The following ASTN2 variants were observed in gnomAD, a reference collection of about 807,000 sequenced individuals.
ASTN2 encodes astrotactin-2.
Under a neutral mutation model 139.8 loss-of-function variants are expected in ASTN2, and 54 were observed. The ratio of observed to expected loss-of-function variants is 0.39; its 90% CI spans 0.31 to 0.48. ASTN2 has a LOEUF of 0.48. Ranked by LOEUF, ASTN2 falls within the 20% of genes least tolerant of loss-of-function variation. The pLI is 0.95. For synonymous variants in ASTN2, 756 were observed against 719.5 expected (o/e 1.05, Z -0.81); for missense variants, 1,565 against 1,725.1 (o/e 0.91, Z 1.64).
At chr9:116,442,955 A>G (rs1380346891) in intron 20 of ASTN2, among the ~76,000 whole-genome samples, 1 of 152,204 alleles carries the variant, frequency 6.6e-6, no homozygotes, top group Non-Finnish European at 1.5e-5. Flanking sequence ...ATATTTATTG[A>G]GCATTTACTG....
chr9:116,644,342 C>T (rs1857486891), intron 17 of ASTN2, among the ~76,000 whole-genome samples: 1 of 152,112 alleles, frequency 6.6e-6, no homozygotes, highest in South Asian at 2.1e-4. Flanking sequence ...ACAGAAAATG[C>T]TCACAGGATT....
chr9:117,374,855 C>T (rs1331318444), intron 1 of ASTN2, among the ~76,000 whole-genome samples: 1 of 152,100 alleles, frequency 6.6e-6, no homozygotes, highest in South Asian at 2.1e-4. Context: ...CCAGGTTGAC[C>T]AGAAGCCTGA....
intron 19 of ASTN2, among the ~76,000 whole-genome samples, chr9:116,594,261 T>C (rs945626470): frequency 6.6e-6 from 1 of 152,200 alleles, no homozygotes; most frequent in African/African-American, 2.4e-5. Flanking sequence ...TGATCCTTCA[T>C]AACTGTTTCC....
At chr9:117,351,721 G>C (rs1156773758) in intron 1 of ASTN2, among the ~76,000 whole-genome samples, 1 of 150,510 alleles carries the variant, frequency 6.6e-6, no homozygotes, top group African/African-American at 2.4e-5. Flanking sequence ...TTGTAATAAA[G>C]GAAAAAGTTC....
intron 5 of ASTN2, among the ~76,000 whole-genome samples, chr9:117,071,613 G>C (rs963364902): frequency 2.7e-5 from 4 of 149,602 alleles, no homozygotes; most frequent in African/African-American, 9.8e-5. Context: ...CCCCAGCCTC[G>C]CTGCCGCCTT....
chr9:117,377,085 T>G (rs1214635631), intron 1 of ASTN2, among the ~76,000 whole-genome samples: 1 of 152,212 alleles, frequency 6.6e-6, no homozygotes, highest in Non-Finnish European at 1.5e-5. Flanking sequence ...AATGCATTAT[T>G]CAGGGAGTTC....
chr9:116,533,700 A>C (rs959458528), intron 19 of ASTN2, among the ~76,000 whole-genome samples: 1 of 152,220 alleles, frequency 6.6e-6, no homozygotes, highest in African/African-American at 2.4e-5. Flanking sequence ...CTTGCATCCC[A>C]GGGATGAAGC....
At chr9:117,201,442 CTGAGATCTTTCTA>C (rs904988853) in intron 3 of ASTN2, among the ~76,000 whole-genome samples, 1 of 151,888 alleles carries the variant, frequency 6.6e-6, no homozygotes, top group Non-Finnish European at 1.5e-5. Flanking sequence ...GGGTGTCAAT[CTGAGATCTTTCTA>C]GCTTTCTGAT....
intron 1 of ASTN2, among the ~76,000 whole-genome samples, chr9:117,355,206 T>C (rs1587975966): frequency 6.6e-6 from 1 of 152,206 alleles, no homozygotes; most frequent in Non-Finnish European, 1.5e-5. Flanking sequence ...GCAAATTCAG[T>C]ATTTGTTGAA....
chr9:116,993,458 TCA>T (rs139297526), intron 7 of ASTN2, among the ~76,000 whole-genome samples: 37 of 147,958 alleles, frequency 2.5e-4, no homozygotes, highest in South Asian at 4.3e-4. Flanking sequence ...TCTACAGGCT[TCA>T]CACACACACA....
chr9:116,638,296 A>C (rs1043615383), intron 17 of ASTN2, among the ~76,000 whole-genome samples: 1 of 152,220 alleles, frequency 6.6e-6, no homozygotes, highest in African/African-American at 2.4e-5. Context: ...CATGCAATAC[A>C]GTATTCTCAG....
At chr9:116,880,182 C>G (rs1345504713) in intron 10 of ASTN2, among the ~76,000 whole-genome samples, 2 of 152,130 alleles carry the variant, frequency 1.3e-5, no homozygotes, top group African/African-American at 4.8e-5. Context: ...TGCTAACACA[C>G]CTATGTTTGT....
chr9:117,156,418 TG>T (rs142396618), intron 3 of ASTN2, among the ~76,000 whole-genome samples: 1 of 152,180 alleles, frequency 6.6e-6, no homozygotes, highest in East Asian at 1.9e-4. Context: ...CATTTGAAGC[TG>T]GCTAATTCTT....
chr9:116,618,996 AGAT>A (rs1855991651), intron 18 of ASTN2, among the ~76,000 whole-genome samples: 4 of 152,166 alleles, frequency 2.6e-5, no homozygotes, highest in Admixed American at 2.6e-4. Flanking sequence ...TGGTCCTTAG[AGAT>A]GATGAAGTTT....
intron 4 of ASTN2, among the ~76,000 whole-genome samples, chr9:117,116,566 G>A (rs1307401666): frequency 7.1e-6 from 1 of 140,408 alleles, no homozygotes; most frequent in African/African-American, 2.8e-5. Context: ...TAAGGGAAAA[G>A]ATTTCATCAA....
At chr9:116,685,205 C>G (rs941664579) in intron 16 of ASTN2, among the ~76,000 whole-genome samples, 1 of 152,174 alleles carries the variant, frequency 6.6e-6, no homozygotes, top group Admixed American at 6.5e-5. Flanking sequence ...CTCATCTGAT[C>G]TTGTGGCCCC....
intron 1 of ASTN2, among the ~76,000 whole-genome samples, chr9:117,359,157 T>C (rs1297758775): frequency 6.6e-6 from 1 of 152,180 alleles, no homozygotes; most frequent in Non-Finnish European, 1.5e-5. Context: ...TCCAGTCCTC[T>C]TTCCTGTTCT....
intron 20 of ASTN2, among the ~76,000 whole-genome samples, chr9:116,446,272 TAGAGAGAGAGAGAG>T (rs3040241): frequency 1.7e-4 from 20 of 119,126 alleles, no homozygotes; most frequent in Admixed American, 4.7e-4. Context: ...GAGAGAGAGA[TAGAGAGAGAGAGAG>T]AGAGAGAGAG....
At position 116,840,667 on chromosome 9, in the gene ASTN2, G is replaced by T. The variant is rs1173572299; in HGVS notation, c.2041-19884C>A. Among the ~76,000 whole-genome samples, 8 of 90,540 alleles carry T rather than the reference G, an allele frequency of 8.8e-5. No homozygotes were observed. In the East Asian group the frequency reaches 1.7e-3, roughly 20 times the overall value. The allele number at this position is 90,540 out of a possible 152,430, so 59.4% of individuals were successfully genotyped here. A position where few individuals can be genotyped will look rare whatever the true frequency, so the allele number is the denominator to read the frequency against. On this transcript the variant is annotated intron_variant, in intron 11 of 22. Coordinates refer to ENST00000313400, the MANE Select transcript of ASTN2 (RefSeq NM_001365068.1). ...GGGCTCCTCACTTCTCAGACGGGGC[G>T]GTTGCCAGGCAGAGGGTCTCCTCAC...
Sources: allele counts gnomAD v4.1 joint callset (sites outside exome capture counted in the v4.1 genomes callset), GRCh38; gene constraint gnomAD v4.1.1; transcripts MANE v1.5; gene names NCBI Gene and HGNC (gene_info 2026-07-23, HGNC 2026-07-21).